The following TSPEAR variants were observed in gnomAD, a reference collection of about 807,000 sequenced individuals.
TSPEAR encodes the protein thrombospondin type laminin G domain and EAR repeats, also known as thrombospondin-type laminin G domain and EAR repeat-containing protein.
A neutral mutation model predicts 71.6 loss-of-function variants in TSPEAR; 69 were observed. The ratio of observed to expected loss-of-function variants is 0.96; its 90% confidence interval spans 0.79 to 1.18. The LOEUF (loss-of-function observed/expected upper bound fraction) is 1.18. Ranked by LOEUF, TSPEAR falls within the 50% of genes most tolerant of loss-of-function variation. The pLI is 0.00. For synonymous variants in TSPEAR, 402 were observed against 387.2 expected, an observed-to-expected ratio of 1.04 and a Z score of -0.45; for missense variants, 971 against 894.9, an observed-to-expected ratio of 1.09 and a Z score of -1.09.
At chr21:44,602,940 G>T (rs1167686548) in intron 1 of TSPEAR, among the ~76,000 whole-genome samples, 1 of 152,080 alleles carries the variant, frequency 6.6e-6, no homozygotes, top group Non-Finnish European at 1.5e-5. Flanking sequence ...GAGAATCGCC[G>T]TCTTGGGGAC....
At chr21:44,539,181 A>C in intron 2 of TSPEAR, 1 of 1,466,514 alleles carries the variant, frequency 6.8e-7, no homozygotes, top group Non-Finnish European at 9.0e-7. Flanking sequence ...ACCTCAGCAC[A>C]GGGGAGACAC....
intron 1 of TSPEAR, among the ~76,000 whole-genome samples, chr21:44,611,903 G>A (rs1038397198): frequency 4.6e-5 from 7 of 152,124 alleles, no homozygotes; most frequent in African/African-American, 1.7e-4. Context: ...AGCAGTCCTG[G>A]GACCACAGTA....
chr21:44,677,388 AC>A, intron 1 of TSPEAR: 3 of 1,372,774 alleles, frequency 2.2e-6, no homozygotes, highest in African/African-American at 1.4e-5. Context: ...GACAGCCTGG[AC>A]CACAGTGTTC....
chr21:44,687,784 A>C lies in TSPEAR; in HGVS notation c.82+23649T>G, dbSNP rs1339982542. 6.6e-6 allele frequency among the ~76,000 whole-genome samples: 1 copy of C among 152,186 alleles called. No individual in the cohort carries two copies. Among genetic ancestry groups the C allele is most frequent in the Non-Finnish European group, 1.5e-5 (1 of 68,036 alleles). ...GGGTGAGCTGTGTTGACAGATTGGCAAACTTCGTCAAATGATACCCTTGAG... is the reference window on the plus strand; with the variant it reads ...GGGTGAGCTGTGTTGACAGATTGGCCAACTTCGTCAAATGATACCCTTGAG... On this transcript the variant is annotated intron_variant, in intron 1 of 11. Coordinates refer to ENST00000323084, the MANE Select transcript of TSPEAR (RefSeq NM_144991.3). This position sits in a 1 kb window ranked among gnomAD's most constrained non-coding sequence, Gnocchi z 4.4.
chr21:44,658,391 C>A, intron 1 of TSPEAR: 1 of 967,682 alleles, frequency 1.0e-6, no homozygotes, highest in Non-Finnish European at 1.5e-6. Context: ...CCTCTGAACT[C>A]TGGGGTGAGA....
At chr21:44,524,354 G>A (rs1410236791) in intron 8 of TSPEAR, among the ~76,000 whole-genome samples, 1 of 152,112 alleles carries the variant, frequency 6.6e-6, no homozygotes, top group Non-Finnish European at 1.5e-5. Context: ...TAATGAGTTA[G>A]CCAGTCAGGT....
At chr21:44,697,819 C>A (rs1427856529) in intron 1 of TSPEAR, 1 of 1,613,556 alleles carries the variant, frequency 6.2e-7, no homozygotes, top group Non-Finnish European at 8.5e-7. Context: ...GCAGACCCGC[C>A]CGCCGCGTGC....
chr21:44,540,275 C>G, intron 2 of TSPEAR: 1 of 1,472,550 alleles, frequency 6.8e-7, no homozygotes, highest in Non-Finnish European at 9.2e-7. Context: ...TTTTATACCC[C>G]TTCTGGCCTT....
chr21:44,595,695 A>G (rs2074291275), intron 1 of TSPEAR, among the ~76,000 whole-genome samples: 2 of 152,240 alleles, frequency 1.3e-5, no homozygotes, highest in East Asian at 1.9e-4. Flanking sequence ...CCTGTTTACC[A>G]TATGCGAGCT....
intron 1 of TSPEAR, among the ~76,000 whole-genome samples, chr21:44,705,424 C>A (rs1555952164): frequency 6.6e-6 from 1 of 152,248 alleles, no homozygotes; most frequent in Non-Finnish European, 1.5e-5. Context: ...TAACCTTAAA[C>A]TCTAACCGCC....
intron 1 of TSPEAR, among the ~76,000 whole-genome samples, chr21:44,703,578 C>T (rs1269105406): frequency 2.6e-5 from 4 of 152,210 alleles, no homozygotes; most frequent in African/African-American, 9.7e-5. Context: ...GCCTCCCTCT[C>T]CCCGGGAGCC....
chr21:44,533,860 A>G lies in TSPEAR; in HGVS notation c.367T>C (p.Leu123=), dbSNP rs1300874247. Reference sequence around the variant, plus strand: ...AGGAAGTGCAGCTGGGCAGGTGACAACCGCAGGCCGAGCAGCAGCAGGTCG... The same window carrying G: ...AGGAAGTGCAGCTGGGCAGGTGACAGCCGCAGGCCGAGCAGCAGCAGGTCG... The part of the protein sequence containing the change: ...ESDLLLLGLR[L]SPAQLHFLFL... The change falls in exon 3 of 12, where the codon TTG becomes CTG. Residue 123 remains leucine (L), a synonymous_variant. Coordinates refer to ENST00000323084, the MANE Select transcript of TSPEAR (RefSeq NM_144991.3). The G allele has an allele frequency of 1.2e-6, 2 of 1,611,986 alleles. No homozygotes were observed. Among genetic ancestry groups the G allele is most frequent in the East Asian group, 4.5e-5 (2 of 44,758 alleles).
chr21:44,524,030 T>C (rs587753533), intron 8 of TSPEAR, among the ~76,000 whole-genome samples: 3 of 150,024 alleles, frequency 2.0e-5, no homozygotes, highest in Admixed American at 2.0e-4. Context: ...GTCAGGTAGT[T>C]AGTCAGTTGT....
rs782557473 is a variant in TSPEAR, at chr21:44,558,682, C to A, written c.303+9103G>T. The A allele has an allele frequency of 3.1e-6, 5 of 1,612,282 alleles. No individual in the cohort carries two copies. In the South Asian group the frequency reaches 4.4e-5, roughly 14 times the overall value. ...TCCACCTGCCAGGAGTCAGAGTAAG[C>A]GCTGGAGCAGACGGACATGGTAGAC... On this transcript the variant is annotated intron_variant, in intron 2 of 11. Transcript: ENST00000323084.
intron 10 of TSPEAR, 154 bp downstream of exon 10, chr21:44,509,045 C>A: frequency 7.3e-7 from 1 of 1,377,594 alleles, no homozygotes; most frequent in South Asian, 1.3e-5. Flanking sequence ...GCCATTCTTT[C>A]CACAGGAAGG....
rs1232619992 is a variant in TSPEAR at position 44,623,842 on chromosome 21, A to G, written c.83-55837T>C. Among the ~76,000 whole-genome samples the G allele has an allele frequency of 4.0e-5, 6 of 151,648 alleles. No individual in the cohort carries two copies. Among genetic ancestry groups the G allele is most frequent in the African/African-American group, 1.5e-4 (6 of 41,240 alleles). ...TTTTTTTTCCCTTGGCTGTTTTTAA[A>G]TTTTTCTCTGTCTTTGGATTTCAGC... On this transcript the variant is annotated intron_variant, in intron 1 of 11. Transcript: ENST00000323084. This position sits in a 1 kb window ranked among gnomAD's most constrained non-coding sequence, Gnocchi z 4.5.
intron 8 of TSPEAR, among the ~76,000 whole-genome samples, chr21:44,524,573 A>T (rs587662453): frequency 5.9e-5 from 9 of 152,112 alleles, no homozygotes; most frequent in Admixed American, 2.0e-4. Flanking sequence ...TCAGGTAGTC[A>T]GTCAATCAGT....
intron 1 of TSPEAR, chr21:44,600,583 C>T: frequency 1.3e-6 from 2 of 1,591,088 alleles, no homozygotes; most frequent in South Asian, 1.2e-5. Context: ...TTCACTCACT[C>T]ACCCACTCAC....
At chr21:44,662,847 A>G (rs587624343) in intron 1 of TSPEAR, among the ~76,000 whole-genome samples, 1 of 152,338 alleles carries the variant, frequency 6.6e-6, no homozygotes, top group African/African-American at 2.4e-5. Flanking sequence ...AAAGTAACCG[A>G]CACACTTCTA....
Sources: allele counts gnomAD v4.1 joint callset (sites outside exome capture counted in the v4.1 genomes callset), GRCh38; gene constraint gnomAD v4.1.1; non-coding constraint Gnocchi (gnomAD v3.1); transcripts MANE v1.5; gene names NCBI Gene and HGNC (gene_info 2026-07-23, HGNC 2026-07-21).